GALNT17: variants seen among roughly 807,000 people sequenced by gnomAD.
GALNT17 encodes UDP-GalNAc:polypeptide N-acetylgalactosaminyltransferase-like 3.
GALNT17 carries 29 observed loss-of-function variants against 63.7 expected under a neutral mutation model. The ratio of observed to expected loss-of-function variants is 0.46; its 90% CI spans 0.34 to 0.62. The LOEUF is 0.62. GALNT17 is among the 20% of genes least tolerant of loss of function. The probability of loss-of-function intolerance (pLI) is 0.01; values close to 1 mark genes in which losing one functional copy is unlikely to be tolerated. For missense variants in GALNT17, 603 were observed against 799.6 expected (o/e 0.75, Z 2.97); for synonymous variants, 305 against 318.3 (o/e 0.96, Z 0.45).
intron 1 of GALNT17, among the ~76,000 whole-genome samples, chr7:71,145,051 C>A (rs2116189291): frequency 6.6e-6 from 1 of 152,090 alleles, no homozygotes; most frequent in East Asian, 1.9e-4. Context: ...TTAAGGGGAT[C>A]ATGGAGGACA....
intron 5 of GALNT17, among the ~76,000 whole-genome samples, chr7:71,526,266 T>G (rs138674447): frequency 1.5e-3 from 222 of 152,300 alleles, no homozygotes; most frequent in Non-Finnish European, 2.3e-3. Flanking sequence ...ATAGAAACAG[T>G]ACCTAGGCTA....
At chr7:71,235,848 C>T (rs957851643) in intron 1 of GALNT17, among the ~76,000 whole-genome samples, 3 of 152,196 alleles carry the variant, frequency 2.0e-5, no homozygotes, top group Admixed American at 2.0e-4. Context: ...CCATCTGGTT[C>T]CCAGTGTCCT....
At chr7:71,332,102 C>T (rs1335126605) in intron 1 of GALNT17, among the ~76,000 whole-genome samples, 2 of 152,112 alleles carry the variant, frequency 1.3e-5, no homozygotes, top group African/African-American at 4.8e-5. Flanking sequence ...TTTTATGACC[C>T]TGTTTCTATG....
intron 5 of GALNT17, among the ~76,000 whole-genome samples, chr7:71,529,432 G>A (rs927608129): frequency 9.2e-5 from 14 of 152,052 alleles, no homozygotes; most frequent in African/African-American, 2.7e-4. Flanking sequence ...AAAAAAAATC[G>A]AAGAGACTTA....
At chr7:71,491,464 T>C (rs1369681684) in intron 5 of GALNT17, among the ~76,000 whole-genome samples, 1 of 152,184 alleles carries the variant, frequency 6.6e-6, no homozygotes, top group Non-Finnish European at 1.5e-5. Context: ...CCATTATTTA[T>C]GTGTTTGTAC....
chr7:71,370,843 T>C (rs1792608403), intron 2 of GALNT17, among the ~76,000 whole-genome samples: 1 of 151,796 alleles, frequency 6.6e-6, no homozygotes, highest in Non-Finnish European at 1.5e-5. Flanking sequence ...TGGCCTCAAG[T>C]GATCCTCCTG....
At chr7:71,409,927 A>T (rs1252893584) in intron 3 of GALNT17, among the ~76,000 whole-genome samples, 1 of 152,156 alleles carries the variant, frequency 6.6e-6, no homozygotes, top group Non-Finnish European at 1.5e-5. Flanking sequence ...AAGGGGATGA[A>T]ATTATCAAGA....
Position 71,367,915 on chromosome 7 carries a change from G to A in GALNT17, c.423-20320G>A, listed in dbSNP as rs201691343. Among the ~76,000 whole-genome samples, 6 of 152,062 alleles carry A rather than the reference G, an allele frequency of 3.9e-5. No individual in the cohort carries two copies. In the East Asian group the frequency reaches 1.2e-3, roughly 29 times the overall value. On this transcript the variant is annotated intron_variant, in intron 2 of 10. Transcript: ENST00000333538. ...TAAGGAAGAGGGGACTTGTGATGGA[G>A]CCACACAGAGAACTAGCAGGTCACC...
intron 6 of GALNT17, among the ~76,000 whole-genome samples, chr7:71,621,150 G>A (rs2116970937): frequency 6.6e-6 from 1 of 152,028 alleles, no homozygotes; most frequent in Non-Finnish European, 1.5e-5. Context: ...GAGAGTTTTA[G>A]CCACTCAGCT....
intron 2 of GALNT17, among the ~76,000 whole-genome samples, chr7:71,339,979 A>C (rs1791980629): frequency 6.6e-6 from 1 of 152,218 alleles, no homozygotes; most frequent in Non-Finnish European, 1.5e-5. Flanking sequence ...ACATGTACAA[A>C]ATTTTGGAAG....
intron 5 of GALNT17, among the ~76,000 whole-genome samples, chr7:71,488,713 G>A (rs1787954627): frequency 6.6e-6 from 1 of 150,466 alleles, no homozygotes. Flanking sequence ...TGAGTAGCTT[G>A]GGACTACAGG....
chr7:71,195,855 A>G (rs535051254), intron 1 of GALNT17, among the ~76,000 whole-genome samples: 32 of 151,934 alleles, frequency 2.1e-4, no homozygotes, highest in African/African-American at 7.2e-4. Flanking sequence ...CATCTTAACC[A>G]TTATTTCATG....
intron 6 of GALNT17, among the ~76,000 whole-genome samples, chr7:71,581,325 A>T (rs749639038): frequency 2.7e-4 from 41 of 151,938 alleles, no homozygotes; most frequent in Non-Finnish European, 4.9e-4. Flanking sequence ...ATGCTCGGCT[A>T]ATTTTTGTAT....
At chr7:71,247,606 G>A (rs1032750547) in intron 1 of GALNT17, among the ~76,000 whole-genome samples, 10 of 152,092 alleles carry the variant, frequency 6.6e-5, no homozygotes, top group East Asian at 1.9e-4. Context: ...ACAGGCATGC[G>A]CCATCGTGTC....
intron 3 of GALNT17, among the ~76,000 whole-genome samples, chr7:71,395,738 C>T (rs1359761679): frequency 6.6e-6 from 1 of 152,150 alleles, no homozygotes; most frequent in Non-Finnish European, 1.5e-5. Flanking sequence ...TATGAGGGTT[C>T]CAGTTTCTCC....
intron 9 of GALNT17, among the ~76,000 whole-genome samples, chr7:71,690,952 G>A (rs1355421450): frequency 6.6e-6 from 1 of 152,192 alleles, no homozygotes; most frequent in Admixed American, 6.5e-5. Context: ...TTGTTGAAAT[G>A]ACACAAGAGA....
At chr7:71,507,323 C>T (rs887630206) in intron 5 of GALNT17, among the ~76,000 whole-genome samples, 7 of 151,260 alleles carry the variant, frequency 4.6e-5, no homozygotes, top group African/African-American at 1.5e-4. Flanking sequence ...TCATCCCTCC[C>T]TTGTCTTGAC....
At position 71,329,509 on chromosome 7, in the gene GALNT17, CTG is replaced by C. The variant is rs551611387; in HGVS notation, c.239-6037_239-6036del. ...TACTGCTATTAAAAACTACCCGAGA[CTG>C]TGTAATTTATGACGAAAAGAGGTTT... On this transcript the variant is annotated intron_variant, in intron 1 of 10. Coordinates refer to ENST00000333538, the MANE Select transcript of GALNT17 (RefSeq NM_022479.3). 4.8e-4 allele frequency among the ~76,000 whole-genome samples: 73 copies of C among 152,186 alleles called. 1 individual carries two copies. The highest frequency in any genetic ancestry group is 1.6e-3 in the African/African-American group (67 of 41,528).
chr7:71,671,907 G>T (rs533710277), intron 8 of GALNT17, among the ~76,000 whole-genome samples: 1 of 151,882 alleles, frequency 6.6e-6, no homozygotes, highest in Non-Finnish European at 1.5e-5. Context: ...GCTGGTGCAG[G>T]TAATCCCAGC....
Sources: allele counts gnomAD v4.1 joint callset (sites outside exome capture counted in the v4.1 genomes callset), GRCh38; gene constraint gnomAD v4.1.1; transcripts MANE v1.5; gene names NCBI Gene and HGNC (gene_info 2026-07-23, HGNC 2026-07-21).